The following MDGA1 variants were observed in gnomAD, a reference collection of about 807,000 sequenced individuals.
The protein encoded by MDGA1 is MAM domain-containing glycosylphosphatidylinositol anchor protein 1.
In MDGA1, 54 loss-of-function variants were observed where a neutral mutation model predicts 101.5. The ratio of observed to expected loss-of-function variants is 0.53; its 90% CI spans 0.43 to 0.67. MDGA1 has a LOEUF of 0.67. Among genes scored for constraint, MDGA1 ranks in the 30% least tolerant of loss-of-function variants. The pLI, the probability that MDGA1 is intolerant of heterozygous loss-of-function variation, is 0.00. For missense variants in MDGA1, 1,083 were observed against 1,323.8 expected (o/e 0.82, Z 2.82); for synonymous variants, 533 against 558.3 (o/e 0.95, Z 0.64).
In MDGA1 at chr6:37,696,819, G is replaced by T; in HGVS notation, c.-8C>A. 1 of 1,566,096 alleles carries T rather than the reference G, an allele frequency of 6.4e-7. No individual in the cohort carries two copies. Among genetic ancestry groups the T allele is most frequent in the Non-Finnish European group, 8.7e-7 (1 of 1,154,988 alleles). Reference sequence around the variant, plus strand: ...AAGGCAGGTCACCTCCATCTTCACGGCCGGTGCTTCATCCCCGCGAGGCGG... The same window carrying T: ...AAGGCAGGTCACCTCCATCTTCACGTCCGGTGCTTCATCCCCGCGAGGCGG... On this transcript the variant is annotated 5_prime_UTR_variant, in exon 1 of 17. Transcript: ENST00000434837. The surrounding 1 kb of genome is among the most constrained non-coding windows in gnomAD (Gnocchi z 5.6).
At position 37,696,011 on chromosome 6, in the gene MDGA1, G is replaced by T. The variant is rs534056306; in HGVS notation, c.67+734C>A. Among the ~76,000 whole-genome samples the T allele has an allele frequency of 5.3e-5, 8 of 152,180 alleles. No individual in the cohort carries two copies. The highest frequency in any genetic ancestry group is 1.0e-4 in the Non-Finnish European group (7 of 68,038). The stretch of plus-strand genomic sequence containing the variant: ...CGAGGCGTGCGGACGCAGGAGCAAG[G>T]CTGCGTGGCAGGAGGCAGAGTTTGG... On this transcript the variant is annotated intron_variant, in intron 1 of 16. Coordinates refer to ENST00000434837, the MANE Select transcript of MDGA1 (RefSeq NM_153487.4). This position sits in a 1 kb window ranked among gnomAD's most constrained non-coding sequence, Gnocchi z 5.6.
At chr6:37,676,948 G>A in intron 1 of MDGA1, among the ~76,000 whole-genome samples, 1 of 149,956 alleles carries the variant, frequency 6.7e-6, no homozygotes, top group Admixed American at 6.6e-5. Context: ...GCAAGAACTA[G>A]TTAGAGGCTC....
At position 37,655,966 on chromosome 6, in the gene MDGA1, A is replaced by T; in HGVS notation, c.383-70T>A. On this transcript the variant is annotated intron_variant, in intron 3 of 16. Transcript: ENST00000434837. This position sits in a 1 kb window ranked among gnomAD's most constrained non-coding sequence, Gnocchi z 5.1. Reference sequence around the variant, plus strand: ...AGGTTGGGGGGCTCAGGCTCCTGGCAGCCCTTAGGAAGAGCTGAGCCACCC... The same window carrying T: ...AGGTTGGGGGGCTCAGGCTCCTGGCTGCCCTTAGGAAGAGCTGAGCCACCC... 7.3e-7 allele frequency: 1 copy of T among 1,367,892 alleles called. No individual in the cohort carries two copies. Among genetic ancestry groups the T allele is most frequent in the South Asian group, 1.4e-5 (1 of 69,270 alleles). 84.7% of individuals were successfully genotyped at this position (1,367,892 alleles called of 1,614,324 possible).
chr6:37,690,669 C>T lies in MDGA1; in HGVS notation c.67+6076G>A, dbSNP rs144685653. On this transcript the variant is annotated intron_variant, in intron 1 of 16. Transcript: ENST00000434837. ...GAGTGTGCCTGTAGTCCTAGTTACT[C>T]GGGAGGCTGAGGCAGGAGAATTGCT... is the stretch of plus-strand genomic sequence containing the variant. Among the ~76,000 whole-genome samples, 214 of 150,414 alleles carry T rather than the reference C, an allele frequency of 1.4e-3. 1 individual carries two copies. Among genetic ancestry groups the T allele is most frequent in the African/African-American group, 4.8e-3 (196 of 40,778 alleles).
chr6:37,649,870 A>ATTTTT, intron 8 of MDGA1: 4 of 635,396 alleles, frequency 6.3e-6, no homozygotes, highest in South Asian at 3.3e-5. Context: ...AAATCAAGTA[A>ATTTTT]TTTTTTTTTT....
In MDGA1 at chr6:37,631,063, G is replaced by A. The variant is rs935960660; in HGVS notation, c.*6305C>T. The A allele has an allele frequency of 3.3e-5, 5 of 152,178 alleles. No individual in the cohort carries two copies. Among genetic ancestry groups the A allele is most frequent in the Non-Finnish European group, 7.3e-5 (5 of 68,034 alleles). The allele number at this position is 152,178 out of a possible 1,614,324, so 9.4% of individuals were successfully genotyped here. ...GGAATTAGACTCTGCCTCTCTACAG[G>A]AAGGATAACATGGGATTTGCAGCCA... On this transcript the variant is annotated 3_prime_UTR_variant, in exon 17 of 17. Transcript: ENST00000434837.
chr6:37,644,899 T>C (rs1217685654), intron 12 of MDGA1, among the ~76,000 whole-genome samples: 3 of 152,360 alleles, frequency 2.0e-5, no homozygotes, highest in East Asian at 1.9e-4. Flanking sequence ...ATAATGATTT[T>C]AGACACATAA....
chr6:37,647,217 C>T lies in MDGA1; in HGVS notation c.2002G>A (p.Asp668Asn), dbSNP rs372863345. 18 of 1,595,084 alleles carry T rather than the reference C, an allele frequency of 1.1e-5. No individual in the cohort carries two copies. The East Asian group carries it at 2.7e-4, about 24-fold the overall frequency. The change falls in exon 10 of 17, where the codon GAC (aspartate) becomes AAC (asparagine). Residue 668 changes from aspartate to asparagine, a missense_variant. Transcript: ENST00000434837. ...TAGTTGAGCACAGGGTCGACAGCGT[C>T]GGGCTCCCTCTGAGTCCACTGCAGC... is the stretch of plus-strand genomic sequence containing the variant. ...YVLQWTQREP[D>N]AVDPVLNYRL...
At chr6:37,641,944 C>G (rs1764093266) in intron 14 of MDGA1, 1 of 152,166 alleles carries the variant, frequency 6.6e-6, no homozygotes, top group Non-Finnish European at 1.5e-5. Flanking sequence ...ACCCATCACC[C>G]TAGCTGTGGA....
intron 1 of MDGA1, among the ~76,000 whole-genome samples, chr6:37,683,635 G>A (rs376009964): frequency 6.6e-5 from 10 of 152,352 alleles, no homozygotes; most frequent in Admixed American, 5.9e-4. Flanking sequence ...TGACAGAGGC[G>A]GGGTGGGTGT....
At chr6:37,677,396 A>G (rs1196624286) in intron 1 of MDGA1, among the ~76,000 whole-genome samples, 2 of 152,224 alleles carry the variant, frequency 1.3e-5, no homozygotes, top group Non-Finnish European at 2.9e-5. Flanking sequence ...AAGGATATTC[A>G]TGGCAGAGCT....
chr6:37,663,666 A>G (rs568234051), intron 2 of MDGA1, among the ~76,000 whole-genome samples: 1 of 152,368 alleles, frequency 6.6e-6, no homozygotes, highest in Admixed American at 6.5e-5. Flanking sequence ...CCACAGACAC[A>G]TTAGAAAGTG....
At chr6:37,654,153 G>A in intron 6 of MDGA1, 121 bp downstream of exon 6, 1 of 1,171,462 alleles carries the variant, frequency 8.5e-7, no homozygotes, top group Non-Finnish European at 1.2e-6. Context: ...AACATCCTCT[G>A]CATGACTCAT....
chr6:37,666,949 T>C (rs948195284), intron 1 of MDGA1, among the ~76,000 whole-genome samples: 1 of 152,162 alleles, frequency 6.6e-6, no homozygotes, highest in Non-Finnish European at 1.5e-5. Context: ...AGTTTTCTCA[T>C]CTCTAAAATG....
At chr6:37,675,157 G>A (rs575840555) in intron 1 of MDGA1, among the ~76,000 whole-genome samples, 2 of 152,326 alleles carry the variant, frequency 1.3e-5, no homozygotes, top group African/African-American at 4.8e-5. Flanking sequence ...TGCTTGATCA[G>A]AGGCTTTAAA....
chr6:37,685,044 G>A (rs1364616638), intron 1 of MDGA1, among the ~76,000 whole-genome samples: 1 of 152,176 alleles, frequency 6.6e-6, no homozygotes, highest in African/African-American at 2.4e-5. Flanking sequence ...GCTCATACTT[G>A]TAATCTGAGC....
chr6:37,660,437 G>C (rs1445434806), intron 2 of MDGA1, among the ~76,000 whole-genome samples: 1 of 151,924 alleles, frequency 6.6e-6, no homozygotes, highest in Non-Finnish European at 1.5e-5. Context: ...CACATCTCCT[G>C]TCTCTTTGTC....
chr6:37,664,292 G>T, intron 1 of MDGA1, 186 bp from the exon 2 acceptor site: 1 of 653,374 alleles, frequency 1.5e-6, no homozygotes. Flanking sequence ...AACCAGGCGG[G>T]CCAGGAACTC....
At chr6:37,653,747 T>G (rs1164071068) in intron 6 of MDGA1, among the ~76,000 whole-genome samples, 1 of 152,236 alleles carries the variant, frequency 6.6e-6, no homozygotes, top group Non-Finnish European at 1.5e-5. Context: ...TTATACTTCT[T>G]TAGACTGTGC....
Sources: allele counts gnomAD v4.1 joint callset (sites outside exome capture counted in the v4.1 genomes callset), GRCh38; gene constraint gnomAD v4.1.1; non-coding constraint Gnocchi (gnomAD v3.1); transcripts MANE v1.5; gene names NCBI Gene and HGNC (gene_info 2026-07-23, HGNC 2026-07-21).